The following RNF115 variants were observed in gnomAD, a reference collection of about 807,000 sequenced individuals.
RNF115 encodes the protein E3 ubiquitin-protein ligase RNF115.
Under a neutral mutation model 39.2 loss-of-function variants are expected in RNF115, and 31 were observed. The ratio of observed to expected loss-of-function variants is 0.79; its 90% confidence interval spans 0.59 to 1.07. RNF115 has a LOEUF of 1.07. Among genes scored for constraint, RNF115 ranks in the 50% least tolerant of loss-of-function variants. The pLI, the probability that RNF115 is intolerant of heterozygous loss-of-function variation, is 0.00. For synonymous variants in RNF115, 124 were observed against 131.0 expected (o/e 0.95, Z 0.37); for missense variants, 384 against 381.7 (o/e 1.01, Z -0.05).
intron 3 of RNF115, 132 bp from the exon 4 acceptor site, chr1:145,772,051 G>C: frequency 1.4e-6 from 1 of 728,038 alleles, no homozygotes; most frequent in South Asian, 1.9e-5. Flanking sequence ...AGGTACCAGA[G>C]TTTCTATATT....
chr1:145,782,116 G>A (rs1287601175), intron 3 of RNF115, among the ~76,000 whole-genome samples: 4 of 151,910 alleles, frequency 2.6e-5, no homozygotes, highest in African/African-American at 9.7e-5. Flanking sequence ...TGTTGGCCAG[G>A]CTGGTCTTGA....
Position 145,743,476 on chromosome 1 carries a change from C to T in RNF115, c.*3390G>A, listed in dbSNP as rs1657747266. ...TCTCAAACTCCATTATTGTGTGAACCAATTCCTTATAATAAATCTCAGGCT... is the reference window on the plus strand; with the variant it reads ...TCTCAAACTCCATTATTGTGTGAACTAATTCCTTATAATAAATCTCAGGCT... On this transcript the variant is annotated 3_prime_UTR_variant, in exon 9 of 9. Transcript: ENST00000582693. The T allele has an allele frequency of 6.6e-6, 1 of 151,960 alleles. No individual in the cohort carries two copies. The highest frequency in any genetic ancestry group is 2.4e-5 in the African/African-American group (1 of 41,336). The allele number at this position is 151,960 out of a possible 1,614,324, so 9.4% of individuals were successfully genotyped here. A position where few individuals can be genotyped will look rare whatever the true frequency, so the allele number is the denominator to read the frequency against.
At chr1:145,804,026 T>A (rs782644705) in intron 1 of RNF115, among the ~76,000 whole-genome samples, 2 of 152,208 alleles carry the variant, frequency 1.3e-5, no homozygotes, top group Non-Finnish European at 2.9e-5. Flanking sequence ...TATAAAATGA[T>A]AAATGAGCCA....
intron 5 of RNF115, 143 bp from the exon 6 acceptor site, chr1:145,751,653 T>C (rs782296817): frequency 1.5e-5 from 8 of 535,108 alleles, no homozygotes; most frequent in African/African-American, 5.8e-5. Context: ...CAAAGAATTC[T>C]GTACATTTTC....
chr1:145,811,355 C>CAAAAAA (rs71829191), intron 1 of RNF115, among the ~76,000 whole-genome samples: 2 of 60,448 alleles, frequency 3.3e-5, no homozygotes, highest in African/African-American at 1.6e-4. Context: ...CCATCACTAC[C>CAAAAAA]AAAAAAAAAA....
chr1:145,784,403 G>T, intron 3 of RNF115, 136 bp downstream of exon 3: 2 of 763,016 alleles, frequency 2.6e-6, no homozygotes, highest in Non-Finnish European at 4.5e-6. Flanking sequence ...TCTTCCCAAG[G>T]GTTACTACGG....
chr1:145,761,863 C>A (rs1553713903), intron 4 of RNF115, among the ~76,000 whole-genome samples: 3 of 152,124 alleles, frequency 2.0e-5, no homozygotes, highest in Non-Finnish European at 2.9e-5. Flanking sequence ...GTGAAAGCAG[C>A]CGGGAGGGAG....
At chr1:145,800,360 G>T (rs587686069) in intron 1 of RNF115, among the ~76,000 whole-genome samples, 1 of 152,218 alleles carries the variant, frequency 6.6e-6, no homozygotes, top group Non-Finnish European at 1.5e-5. Context: ...GTGCCCAGAT[G>T]GCCTTCCAGA....
chr1:145,752,459 G>A (rs1553712599), intron 5 of RNF115, among the ~76,000 whole-genome samples: 1 of 151,744 alleles, frequency 6.6e-6, no homozygotes, highest in African/African-American at 2.4e-5. Context: ...AAACATCCTG[G>A]GGGACCAGGA....
At chr1:145,822,058 G>A (rs1553724434) in intron 1 of RNF115, among the ~76,000 whole-genome samples, 2 of 152,056 alleles carry the variant, frequency 1.3e-5, no homozygotes. Flanking sequence ...GGGGAGCAGT[G>A]GCTCACGCCT....
chr1:145,776,022 A>G (rs1286987874), intron 3 of RNF115, among the ~76,000 whole-genome samples: 1 of 150,764 alleles, frequency 6.6e-6, no homozygotes, highest in Non-Finnish European at 1.5e-5. Context: ...AAAAATAAAA[A>G]TAAATAAAAT....
intron 2 of RNF115, chr1:145,787,074 T>C (rs1263257184): frequency 7.9e-7 from 1 of 1,263,238 alleles, no homozygotes; most frequent in Admixed American, 2.3e-5. Flanking sequence ...CTGCCAACAG[T>C]AACAGTAAAG....
At chr1:145,796,530 G>A (rs1553720101) in intron 1 of RNF115, among the ~76,000 whole-genome samples, 1 of 151,636 alleles carries the variant, frequency 6.6e-6, no homozygotes. Flanking sequence ...GAGACTACAG[G>A]TGCATCCCAC....
In RNF115 at chr1:145,738,924, A is replaced by C. The variant is rs1011576103; in HGVS notation, c.*7942T>G. ...CAAAGGAAAGAGAGAGAAAACAAGC[A>C]AAGATAGGTAGGACAGAAAGGAAGA... On this transcript the variant is annotated 3_prime_UTR_variant, in exon 9 of 9. Transcript: ENST00000582693. 6.5e-6 allele frequency: 1 copy of C among 153,668 alleles called. No homozygotes were observed. Among genetic ancestry groups the C allele is most frequent in the African/African-American group, 2.4e-5 (1 of 41,628 alleles). 9.5% of individuals were successfully genotyped at this position (153,668 alleles called of 1,614,324 possible).
chr1:145,765,211 C>T (rs1658722877), intron 4 of RNF115, among the ~76,000 whole-genome samples: 2 of 152,116 alleles, frequency 1.3e-5, no homozygotes, highest in Admixed American at 1.3e-4. Context: ...TAAACAGATG[C>T]TTGAAGGCAG....
chr1:145,751,821 CCACT>C (rs1658100107), intron 5 of RNF115, among the ~76,000 whole-genome samples: 1 of 152,226 alleles, frequency 6.6e-6, no homozygotes, highest in South Asian at 2.1e-4. Flanking sequence ...TTTTCTGTGC[CCACT>C]GATATTAAAC....
chr1:145,767,752 C>T (rs1485234833), intron 4 of RNF115, among the ~76,000 whole-genome samples: 1 of 152,276 alleles, frequency 6.6e-6, no homozygotes, highest in Non-Finnish European at 1.5e-5. Context: ...TGGCGGATCA[C>T]TCGCGGTTAG....
In RNF115 at chr1:145,742,490, T is replaced by C; in HGVS notation, c.*4376A>G. 6.6e-6 allele frequency: 1 copy of C among 152,100 alleles called. No homozygotes were observed. Among genetic ancestry groups the C allele is most frequent in the East Asian group, 1.9e-4 (1 of 5,202 alleles). 9.4% of individuals were successfully genotyped at this position (152,100 alleles called of 1,614,324 possible). On this transcript the variant is annotated 3_prime_UTR_variant, in exon 9 of 9. Transcript: ENST00000582693. ...CCCTTCATCACAGAGAATAACAGGG[T>C]ACCAGCCCAAGCCAACAGTGCCCCA... is the stretch of plus-strand genomic sequence containing the variant.
At chr1:145,820,199 T>C (rs1171167802) in intron 1 of RNF115, among the ~76,000 whole-genome samples, 2 of 149,714 alleles carry the variant, frequency 1.3e-5, no homozygotes, top group African/African-American at 4.9e-5. Flanking sequence ...CCGCAATAGC[T>C]CATGCCTGTA....
Sources: gnomAD v4.1 joint callset for allele counts (sites outside exome capture counted in the v4.1 genomes callset) on GRCh38, gnomAD v4.1.1 for gene constraint, MANE v1.5 for transcripts, NCBI Gene and HGNC (gene_info 2026-07-23, HGNC 2026-07-21) for gene names.